Variants in MARCHF1 observed in about 807,000 individuals in gnomAD.
MARCHF1 encodes membrane associated ring-CH-type finger 1.
Under a neutral mutation model 54.2 loss-of-function variants are expected in MARCHF1, and 40 were observed. The observed-to-expected ratio is 0.74, with a 90% CI of 0.57 to 0.96. The LOEUF is 0.96. Ranked by LOEUF, MARCHF1 falls within the 40% of genes least tolerant of loss-of-function variation. The probability of loss-of-function intolerance (pLI) is 0.00; values close to 1 mark genes in which losing one functional copy is unlikely to be tolerated. For missense variants in MARCHF1, 586 were observed against 656.5 expected, an observed-to-expected ratio of 0.89 and a Z score of 1.17; for synonymous variants, 236 against 236.3, an observed-to-expected ratio of 1.00 and a Z score of 0.01.
chr4:163,835,128 C>A (rs1749144689), intron 4 of MARCHF1, among the ~76,000 whole-genome samples: 1 of 152,134 alleles, frequency 6.6e-6, no homozygotes, highest in Non-Finnish European at 1.5e-5. Context: ...AGTGATCCTT[C>A]CACTCAGTCT....
chr4:164,129,395 C>T (rs1008307685), intron 1 of MARCHF1, among the ~76,000 whole-genome samples: 2 of 152,052 alleles, frequency 1.3e-5, no homozygotes, highest in African/African-American at 2.4e-5. Context: ...ATTGAATTAA[C>T]ATAATATTTT....
intron 5 of MARCHF1, among the ~76,000 whole-genome samples, chr4:163,633,123 A>G (rs1024088665): frequency 2.0e-5 from 3 of 152,202 alleles, no homozygotes; most frequent in African/African-American, 7.2e-5. Context: ...GACCAAAAGT[A>G]GATAAAACCA....
intron 1 of MARCHF1, among the ~76,000 whole-genome samples, chr4:164,193,091 G>A (rs1731163298): frequency 6.6e-6 from 1 of 152,048 alleles, no homozygotes; most frequent in Non-Finnish European, 1.5e-5. Flanking sequence ...GTGGTCAGAG[G>A]TTACCTCTTA....
intron 4 of MARCHF1, among the ~76,000 whole-genome samples, chr4:163,828,070 T>C (rs571802790): frequency 8.0e-6 from 1 of 124,662 alleles, no homozygotes; most frequent in East Asian, 2.9e-4. Context: ...CACCTTGTCA[T>C]TCTCCTCCTC....
At chr4:163,910,661 A>G (rs1751170033) in intron 3 of MARCHF1, among the ~76,000 whole-genome samples, 1 of 151,892 alleles carries the variant, frequency 6.6e-6, no homozygotes, top group Non-Finnish European at 1.5e-5. Context: ...TGCCCAGCTA[A>G]TTTTTTTGTA....
chr4:163,930,750 T>A (rs1560824223), intron 3 of MARCHF1, among the ~76,000 whole-genome samples: 1 of 152,144 alleles, frequency 6.6e-6, no homozygotes, highest in Non-Finnish European at 1.5e-5. Context: ...ATTTAGATGA[T>A]ATTTTTGATA....
chr4:163,575,596 T>G (rs994272514), intron 8 of MARCHF1, among the ~76,000 whole-genome samples: 3 of 151,922 alleles, frequency 2.0e-5, no homozygotes, highest in Non-Finnish European at 4.4e-5. Context: ...CCCTCCTCGA[T>G]TTTTGGGGAT....
chr4:163,884,025 T>C (rs1750477160), intron 3 of MARCHF1, among the ~76,000 whole-genome samples: 1 of 152,140 alleles, frequency 6.6e-6, no homozygotes, highest in Admixed American at 6.6e-5. Context: ...AAATAGCTCC[T>C]CATATGGTGT....
chr4:163,770,549 CACACACACACACACAA>C lies in MARCHF1; in HGVS notation c.112-69702_112-69687del, dbSNP rs1371681608. Among the ~76,000 whole-genome samples, 4 of 149,526 alleles carry C rather than the reference CACACACACACACACAA, an allele frequency of 2.7e-5. No individual in the cohort carries two copies. The South Asian group carries it at 6.5e-4, about 24-fold the overall frequency. ...ACACACACACACACACACACACACA[CACACACACACACACAA>C]ACACACACACACATACCCACATGCA... On this transcript the variant is annotated intron_variant, in intron 4 of 9. Transcript: ENST00000514618.
chr4:163,832,601 T>TATTATTATA (rs1211714067), intron 4 of MARCHF1, among the ~76,000 whole-genome samples: 6 of 150,174 alleles, frequency 4.0e-5, no homozygotes, highest in Non-Finnish European at 7.4e-5. Flanking sequence ...TTATTATTAT[T>TATTATTATA]ATAATACTTT....
At chr4:164,369,836 C>A (rs1262194036) in intron 1 of MARCHF1, among the ~76,000 whole-genome samples, 1 of 152,062 alleles carries the variant, frequency 6.6e-6, no homozygotes. Context: ...CACAATAGAA[C>A]CTCAAAAGCA....
Position 163,854,066 on chromosome 4 carries a change from G to A in MARCHF1, c.66C>T (p.Pro22=), listed in dbSNP as rs1204345935. The change falls in exon 4 of 10, where the codon CCC becomes CCT. Residue 22 remains proline, a synonymous_variant. Coordinates refer to ENST00000514618, the MANE Select transcript of MARCHF1 (RefSeq NM_001394959.1). ...PHRIPNNTRT[P]EISGDLADAS... ...CGTCAGCCAAATCCCCTGAGATCTC[G>A]GGTGTTCGCGTGTTGTTTGGAATTC... 9.1e-6 allele frequency: 14 copies of A among 1,536,690 alleles called. No homozygotes were observed. The highest frequency in any genetic ancestry group is 1.0e-5 in the Non-Finnish European group (12 of 1,146,644).
At chr4:163,626,971 G>C (rs1233328543) in intron 5 of MARCHF1, among the ~76,000 whole-genome samples, 1 of 151,962 alleles carries the variant, frequency 6.6e-6, no homozygotes, top group African/African-American at 2.4e-5. Flanking sequence ...AACAGAAATA[G>C]GCCAAAAATG....
At chr4:164,315,231 C>CAAAAAA (rs58264322) in intron 1 of MARCHF1, among the ~76,000 whole-genome samples, 2 of 100,680 alleles carry the variant, frequency 2.0e-5, no homozygotes, top group South Asian at 3.2e-4. Flanking sequence ...GTTAATTTAA[C>CAAAAAA]AAAAAAAAAA....
intron 3 of MARCHF1, among the ~76,000 whole-genome samples, chr4:163,923,640 T>C (rs566498344): frequency 6.6e-6 from 1 of 152,114 alleles, no homozygotes; most frequent in Non-Finnish European, 1.5e-5. Context: ...ATCTATCTAA[T>C]ATAAAATTAA....
intron 1 of MARCHF1, among the ~76,000 whole-genome samples, chr4:164,346,604 G>GTA (rs56936775): frequency 1.2e-4 from 5 of 42,596 alleles, no homozygotes; most frequent in Non-Finnish European, 2.2e-4. Context: ...ATGTATGTAT[G>GTA]TATATATATA....
chr4:164,201,237 T>C (rs1346845611), intron 1 of MARCHF1, among the ~76,000 whole-genome samples: 1 of 138,562 alleles, frequency 7.2e-6, no homozygotes, highest in Non-Finnish European at 1.5e-5. Flanking sequence ...TTGTTTTGTT[T>C]TGGGATGGAG....
At chr4:164,005,589 G>A (rs1349937846) in intron 2 of MARCHF1, among the ~76,000 whole-genome samples, 1 of 152,104 alleles carries the variant, frequency 6.6e-6, no homozygotes, top group Non-Finnish European at 1.5e-5. Flanking sequence ...CAGCTTCTGT[G>A]CCATCGTGGG....
intron 1 of MARCHF1, among the ~76,000 whole-genome samples, chr4:164,205,108 T>A (rs1195806835): frequency 6.6e-6 from 1 of 152,180 alleles, no homozygotes; most frequent in Non-Finnish European, 1.5e-5. Context: ...CTATTCTTAT[T>A]TTAATCCTAT....
Sources: gnomAD v4.1 joint callset for allele counts (sites outside exome capture counted in the v4.1 genomes callset) on GRCh38, gnomAD v4.1.1 for gene constraint, MANE v1.5 for transcripts, NCBI Gene and HGNC (gene_info 2026-07-23, HGNC 2026-07-21) for gene names.